The following TOP2B variants were observed in gnomAD, a reference collection of about 807,000 sequenced individuals.
TOP2B encodes the protein DNA topoisomerase II beta.
In TOP2B, 51 loss-of-function variants were observed where a neutral mutation model predicts 193.5. That is an observed-to-expected ratio of 0.26 (90% confidence interval 0.21 to 0.33). TOP2B has a LOEUF of 0.33. Among genes scored for constraint, TOP2B ranks in the 10% least tolerant of loss-of-function variants. The probability of loss-of-function intolerance (pLI) is 1.00; values close to 1 mark genes in which losing one functional copy is unlikely to be tolerated. For synonymous variants in TOP2B, 634 were observed against 635.7 expected, an observed-to-expected ratio of 1.00 and a Z score of 0.04; for missense variants, 1,378 against 1,909.3, an observed-to-expected ratio of 0.72 and a Z score of 5.19.
intron 2 of TOP2B, among the ~76,000 whole-genome samples, 152 bp downstream of exon 2, chr3:25,645,147 AC>A (rs1703380204): frequency 6.6e-6 from 1 of 152,184 alleles, no homozygotes; most frequent in Non-Finnish European, 1.5e-5. Context: ...AGAAGTAAAT[AC>A]ATTTCTACTT....
chr3:25,627,063 A>T, intron 16 of TOP2B, 124 bp downstream of exon 16: 2 of 766,568 alleles, frequency 2.6e-6, no homozygotes, highest in Non-Finnish European at 4.3e-6. Context: ...ATCTGGGGGA[A>T]AAATTAAAAT....
chr3:25,651,522 T>TA (rs908736761), intron 1 of TOP2B, among the ~76,000 whole-genome samples: 1 of 149,948 alleles, frequency 6.7e-6, no homozygotes, highest in South Asian at 2.1e-4. Context: ...ATAAGACATA[T>TA]AAAAAAATAA....
chr3:25,618,421 T>C lies in TOP2B; in HGVS notation c.3348A>G (p.Glu1116=), dbSNP rs1156981235. 6 of 1,609,050 alleles carry C rather than the reference T, an allele frequency of 3.7e-6. No homozygotes were observed. Among genetic ancestry groups the C allele is most frequent in the Non-Finnish European group, 4.3e-6 (5 of 1,175,886 alleles). The change falls in exon 25 of 36, where the codon GAA becomes GAG. Residue 1116 remains glutamate (E), a synonymous_variant. Coordinates refer to ENST00000264331, the MANE Select transcript of TOP2B (RefSeq NM_001330700.2). ...GTCTTTTTCTGCAAATGATTACCTT[T>C]TCTTGTGCTTCTTTCCAGGCTTTCA... ...DPVKAWKEAQ[E]KAAEEDETQN...
chr3:25,609,504 C>G, intron 29 of TOP2B, 64 bp downstream of exon 29: 1 of 1,534,872 alleles, frequency 6.5e-7, no homozygotes, highest in Non-Finnish European at 8.8e-7. Context: ...TCAAAAGAAT[C>G]TAGTAATACT....
intron 1 of TOP2B, among the ~76,000 whole-genome samples, chr3:25,661,069 C>A (rs1703896541): frequency 1.4e-5 from 2 of 147,724 alleles, no homozygotes; most frequent in South Asian, 4.3e-4. Flanking sequence ...GGCGTGATCT[C>A]GGCTCACCGC....
intron 10 of TOP2B, 91 bp downstream of exon 10, chr3:25,632,355 T>C (rs1702985135): frequency 4.4e-6 from 5 of 1,140,826 alleles, no homozygotes; most frequent in Admixed American, 2.8e-5. Flanking sequence ...GTTAATACGA[T>C]GAAAGAAACT....
intron 21 of TOP2B, among the ~76,000 whole-genome samples, chr3:25,621,208 C>G (rs1702650186): frequency 6.6e-6 from 1 of 152,142 alleles, no homozygotes; most frequent in East Asian, 1.9e-4. Context: ...TACTCTTCTC[C>G]CATATTTTGT....
intron 8 of TOP2B, 65 bp downstream of exon 8, chr3:25,633,776 T>C: frequency 3.7e-6 from 5 of 1,363,258 alleles, no homozygotes; most frequent in Non-Finnish European, 4.9e-6. Flanking sequence ...TTGTTATTTG[T>C]TTTGTAGTTT....
chr3:25,651,853 A>T (rs1384925543), intron 1 of TOP2B, among the ~76,000 whole-genome samples: 3 of 150,944 alleles, frequency 2.0e-5, no homozygotes, highest in Non-Finnish European at 3.0e-5. Flanking sequence ...CAACAGAGGG[A>T]GATTGTGTCT....
At chr3:25,613,793 A>T (rs1190721648) in intron 27 of TOP2B, among the ~76,000 whole-genome samples, 3 of 152,170 alleles carry the variant, frequency 2.0e-5, no homozygotes, top group Admixed American at 6.5e-5. Flanking sequence ...CATTTAAAAA[A>T]TCCTGTGATC....
rs147568386 is a variant in TOP2B, at chr3:25,611,185, A to T, written c.3786+1330T>A. On this transcript the variant is annotated intron_variant, in intron 28 of 35. Transcript: ENST00000264331. ...TGAATGGAATAAGCTCTGGGCATAG[A>T]TAAGGTTACTTGAGGGGACCATATA... Among the ~76,000 whole-genome samples, 15 of 152,330 alleles carry T rather than the reference A, an allele frequency of 9.8e-5. 1 individual carries two copies. Among genetic ancestry groups the T allele is most frequent in the African/African-American group, 3.6e-4 (15 of 41,572 alleles).
intron 1 of TOP2B, among the ~76,000 whole-genome samples, chr3:25,646,979 C>A (rs1703432210): frequency 6.6e-6 from 1 of 152,096 alleles, no homozygotes; most frequent in Admixed American, 6.5e-5. Context: ...CTTATACATT[C>A]CTACATTTAT....
Position 25,601,081 on chromosome 3 carries a change from A to G in TOP2B, c.4615+19T>C, listed in dbSNP as rs2125340819. The G allele has an allele frequency of 2.5e-6, 4 of 1,611,428 alleles. No homozygotes were observed. Among genetic ancestry groups the G allele is most frequent in the Middle Eastern group, 1.7e-4 (1 of 6,040 alleles). On this transcript the variant is annotated intron_variant, in intron 34 of 35. Coordinates refer to ENST00000264331, the MANE Select transcript of TOP2B (RefSeq NM_001330700.2). ...CCACACAGCATATGTTTAAAGGGTT[A>G]TAAGAAGATAATCCTCACCTTTTGG...
Position 25,641,761 on chromosome 3 carries a change from T to G in TOP2B, c.395+561A>C, listed in dbSNP as rs1005766078. Among the ~76,000 whole-genome samples, 3 of 152,080 alleles carry G rather than the reference T, an allele frequency of 2.0e-5. No homozygotes were observed. In the East Asian group the frequency reaches 5.8e-4, roughly 29 times the overall value. On this transcript the variant is annotated intron_variant, in intron 4 of 35. Coordinates refer to ENST00000264331, the MANE Select transcript of TOP2B (RefSeq NM_001330700.2). ...AAATTACTAATGAAATTACAAAGGATGAATGTAATATTTTACAAAAGGCAT... is the reference window on the plus strand; with the variant it reads ...AAATTACTAATGAAATTACAAAGGAGGAATGTAATATTTTACAAAAGGCAT...
rs1702990665 is a variant in TOP2B, at chr3:25,632,530, A to G, written c.1182T>C (p.Phe394=). 1.3e-6 allele frequency: 2 copies of G among 1,589,746 alleles called. No individual in the cohort carries two copies. The highest frequency in any genetic ancestry group is 1.7e-6 in the Non-Finnish European group (2 of 1,171,780). The change falls in exon 10 of 36, where the codon TTT becomes TTC. Residue 394 remains phenylalanine (F), a synonymous_variant. Transcript: ENST00000264331. ...FINCLIENPT[F]DSQTKENMTL... ...TCATGTTTTCCTTAGTCTGAGAATCAAAAGTTGGATTTTCAATAAGGCAAT... is the reference window on the plus strand; with the variant it reads ...TCATGTTTTCCTTAGTCTGAGAATCGAAAGTTGGATTTTCAATAAGGCAAT...
rs149061207 is a variant in TOP2B, at chr3:25,662,415, T to TA, written c.69+1813dup. 5.8e-3 allele frequency among the ~76,000 whole-genome samples: 883 copies of TA among 152,348 alleles called. 14 individuals are homozygous for TA. The highest frequency in any genetic ancestry group is 0.02 in the African/African-American group (844 of 41,582). ...TAAGCATCAACTCTTAAAGAAGACTTACAGGAGTGATTATCTTTTTAATAA... is the reference window on the plus strand; with the variant it reads ...TAAGCATCAACTCTTAAAGAAGACTTAACAGGAGTGATTATCTTTTTAATAA... On this transcript the variant is annotated intron_variant, in intron 1 of 35. Transcript: ENST00000264331.
At position 25,632,482 on chromosome 3, in the gene TOP2B, C is replaced by A. The variant is rs763258138; in HGVS notation, c.1230G>T (p.Gly410=). Reference sequence around the variant, plus strand: ...ATTTTTCTGACAGCTGGCATTTAGACCCAAAACTTTTGGGCTGCAGAGTCA... The same window carrying A: ...ATTTTTCTGACAGCTGGCATTTAGAACCAAAACTTTTGGGCTGCAGAGTCA... ...ENMTLQPKSF[G]SKCQLSEKFF... is the part of the protein sequence containing the mutation. The change falls in exon 10 of 36, where the codon GGG becomes GGT. Residue 410 remains glycine (G), a synonymous_variant. Transcript: ENST00000264331. The A allele has an allele frequency of 1.3e-6, 2 of 1,580,420 alleles. No individual in the cohort carries two copies. The highest frequency in any genetic ancestry group is 1.7e-6 in the Non-Finnish European group (2 of 1,164,590).
Position 25,607,228 on chromosome 3 carries a change from T to A in TOP2B, c.4241A>T (p.Asp1414Val). 1 of 1,600,052 alleles carries A rather than the reference T, an allele frequency of 6.2e-7. No homozygotes were observed. Among genetic ancestry groups the A allele is most frequent in the Non-Finnish European group, 8.5e-7 (1 of 1,172,302 alleles). ...NDGEDEFVPS[D>V]GLDKDEYTFS... Reference sequence around the variant, plus strand: ...TGTATATTCATCTTTATCTAACCCATCTGAAGGAACAAATTCATCTTCCCC... The same window carrying A: ...TGTATATTCATCTTTATCTAACCCAACTGAAGGAACAAATTCATCTTCCCC... Residue 1414 changes from aspartate to valine, a missense_variant, in exon 31 of 36, where the codon GAT (aspartate) becomes GTT (valine). Asp to Val is a radical substitution (Grantham distance 152). Coordinates refer to ENST00000264331, the MANE Select transcript of TOP2B (RefSeq NM_001330700.2).
intron 1 of TOP2B, among the ~76,000 whole-genome samples, chr3:25,652,966 A>G (rs748303728): frequency 6.6e-6 from 1 of 152,192 alleles, no homozygotes; most frequent in Non-Finnish European, 1.5e-5. Flanking sequence ...AGGGGACATT[A>G]TAATTGATGT....
Sources: allele counts gnomAD v4.1 joint callset (sites outside exome capture counted in the v4.1 genomes callset), GRCh38; gene constraint gnomAD v4.1.1; transcripts MANE v1.5; gene names NCBI Gene and HGNC (gene_info 2026-07-23, HGNC 2026-07-21).